Variants in RPS6KC1 observed in about 807,000 individuals in gnomAD.
RPS6KC1 encodes inactive ribosomal protein S6 kinase delta-1.
RPS6KC1 carries 54 observed loss-of-function variants against 103.8 expected under a neutral mutation model. The ratio of observed to expected loss-of-function variants is 0.52; its 90% CI spans 0.42 to 0.65. RPS6KC1 has a LOEUF of 0.65. Among genes scored for constraint, RPS6KC1 ranks in the 30% least tolerant of loss-of-function variants. The pLI is 0.00. For synonymous variants in RPS6KC1, 439 were observed against 438.7 expected (o/e 1.00, Z -0.01); for missense variants, 1,151 against 1,253.8 (o/e 0.92, Z 1.24).
the RPS6KC1 span, among the ~76,000 whole-genome samples, chr1:213,459,343 A>G: frequency 6.6e-6 from 1 of 152,066 alleles, no homozygotes; most frequent in African/African-American, 2.4e-5. Flanking sequence ...GGGAGGATGT[A>G]TGTGTCCAGG....
chr1:213,543,792 C>CT, the RPS6KC1 span, among the ~76,000 whole-genome samples: 1 of 152,164 alleles, frequency 6.6e-6, no homozygotes, highest in Admixed American at 6.5e-5. Flanking sequence ...GGGTTCCAGT[C>CT]TTTTTTCCTG....
chr1:213,133,649 G>A (rs2085919790), intron 6 of RPS6KC1, among the ~76,000 whole-genome samples: 1 of 152,134 alleles, frequency 6.6e-6, no homozygotes, highest in East Asian at 1.9e-4. Context: ...TTGAGAGCTG[G>A]TTTTGTGTAG....
At chr1:213,326,397 CAAAA>C in the RPS6KC1 span, among the ~76,000 whole-genome samples, 1 of 152,134 alleles carries the variant, frequency 6.6e-6, no homozygotes, top group Non-Finnish European at 1.5e-5. Context: ...GGAACACAGA[CAAAA>C]GAACAGCTAA....
At chr1:213,788,130 A>G in the RPS6KC1 span, among the ~76,000 whole-genome samples, 1 of 152,130 alleles carries the variant, frequency 6.6e-6, no homozygotes, top group South Asian at 2.1e-4. Context: ...TCTTGAACTG[A>G]CTGACTTAAC....
chr1:213,105,558 TATG>T (rs746002666), intron 4 of RPS6KC1, among the ~76,000 whole-genome samples: 1 of 152,204 alleles, frequency 6.6e-6, no homozygotes, highest in Non-Finnish European at 1.5e-5. Context: ...ATTTATTTTT[TATG>T]ATGTTTTATC....
At chr1:213,712,260 G>T in the RPS6KC1 span, among the ~76,000 whole-genome samples, 1 of 152,190 alleles carries the variant, frequency 6.6e-6, no homozygotes, top group Non-Finnish European at 1.5e-5. Flanking sequence ...TGGCTTTGGG[G>T]TGCTAGAGTG....
chr1:213,658,856 T>C, the RPS6KC1 span, among the ~76,000 whole-genome samples: 1 of 152,218 alleles, frequency 6.6e-6, no homozygotes, highest in Non-Finnish European at 1.5e-5. Flanking sequence ...AATTTAACCT[T>C]GACTGGGGTT....
chr1:213,546,659 T>TA, the RPS6KC1 span, among the ~76,000 whole-genome samples: 4 of 151,486 alleles, frequency 2.6e-5, no homozygotes, highest in Middle Eastern at 6.8e-3. Context: ...TGCATTATTT[T>TA]AAAAAAAAAT....
At chr1:213,126,180 A>G (rs1303140967) in intron 5 of RPS6KC1, among the ~76,000 whole-genome samples, 2 of 152,172 alleles carry the variant, frequency 1.3e-5, no homozygotes, top group African/African-American at 4.8e-5. Context: ...ACATTGAAAT[A>G]CATAAAATAT....
downstream of RPS6KC1, among the ~76,000 whole-genome samples, chr1:213,279,657 C>G (rs891024902): frequency 3.3e-5 from 5 of 152,244 alleles, no homozygotes; most frequent in Admixed American, 3.3e-4. Flanking sequence ...TCTCTTTGTA[C>G]CAGACCTCTG....
At chr1:213,260,542 C>T (rs946891640) in intron 12 of RPS6KC1, among the ~76,000 whole-genome samples, 2 of 152,112 alleles carry the variant, frequency 1.3e-5, no homozygotes, top group Admixed American at 6.5e-5. Flanking sequence ...AAAGGCTAGG[C>T]ACCTGAGTAC....
chr1:213,290,414 A>AAC, the RPS6KC1 span, among the ~76,000 whole-genome samples: 2 of 152,106 alleles, frequency 1.3e-5, no homozygotes, highest in African/African-American at 4.8e-5. Flanking sequence ...GCCAGCAGTG[A>AAC]ACAGCTATAT....
chr1:213,151,024 C>T (rs2088712583), intron 6 of RPS6KC1, among the ~76,000 whole-genome samples: 1 of 125,734 alleles, frequency 8.0e-6, no homozygotes, highest in Admixed American at 7.8e-5. Context: ...CCGGACGGGG[C>T]AGCTGGCCGG....
chr1:213,397,304 T>C, the RPS6KC1 span, among the ~76,000 whole-genome samples: 1 of 152,064 alleles, frequency 6.6e-6, no homozygotes, highest in Non-Finnish European at 1.5e-5. Flanking sequence ...TTTTGTCCCA[T>C]TCTGCTTTCT....
chr1:213,542,817 A>G, the RPS6KC1 span, among the ~76,000 whole-genome samples: 1 of 152,224 alleles, frequency 6.6e-6, no homozygotes, highest in Non-Finnish European at 1.5e-5. Context: ...TAGGTAATAC[A>G]TGATTATGTG....
chr1:213,823,961 C>G, the RPS6KC1 span, among the ~76,000 whole-genome samples: 1 of 151,566 alleles, frequency 6.6e-6, no homozygotes, highest in African/African-American at 2.4e-5. Context: ...AAAGTTTACA[C>G]AGCCAGTAAG....
chr1:213,392,090 G>T, the RPS6KC1 span, among the ~76,000 whole-genome samples: 1 of 152,294 alleles, frequency 6.6e-6, no homozygotes, highest in East Asian at 1.9e-4. Flanking sequence ...GAATTGGTAG[G>T]CAGGGAAGTG....
chr1:213,761,506 T>C, the RPS6KC1 span, among the ~76,000 whole-genome samples: 8 of 152,366 alleles, frequency 5.3e-5, no homozygotes, highest in African/African-American at 1.9e-4. Flanking sequence ...CTTTGTTCTA[T>C]AAGACTTCCA....
At chr1:213,366,499 AAT>A in the RPS6KC1 span, among the ~76,000 whole-genome samples, 2 of 152,356 alleles carry the variant, frequency 1.3e-5, no homozygotes, top group East Asian at 3.9e-4. Context: ...CCAGATAGTA[AAT>A]ATTTTAGGCT....
Sources: allele counts gnomAD v4.1 joint callset (sites outside exome capture counted in the v4.1 genomes callset), GRCh38; gene constraint gnomAD v4.1.1; transcripts MANE v1.5; gene names NCBI Gene and HGNC (gene_info 2026-07-23, HGNC 2026-07-21).